CCDC15: variants seen among roughly 807,000 people sequenced by gnomAD.
CCDC15 encodes the protein coiled-coil domain containing 15, also known as coiled-coil domain-containing protein 15.
In CCDC15, 105 loss-of-function variants were observed where a neutral mutation model predicts 114.5. That is an observed-to-expected ratio of 0.92 (90% CI 0.78 to 1.08). The LOEUF is 1.08. Ranked by LOEUF, CCDC15 falls within the 50% of genes least tolerant of loss-of-function variation. The probability of loss-of-function intolerance (pLI) is 0.00; values close to 1 mark genes in which losing one functional copy is unlikely to be tolerated. For missense variants in CCDC15, 1,105 were observed against 1,093.6 expected, an observed-to-expected ratio of 1.01 and a Z score of -0.15; for synonymous variants, 334 against 377.8, an observed-to-expected ratio of 0.88 and a Z score of 1.34.
chr11:125,029,390 A>G (rs1948723962), intron 13 of CCDC15, among the ~76,000 whole-genome samples: 1 of 152,228 alleles, frequency 6.6e-6, no homozygotes, highest in Non-Finnish European at 1.5e-5. Context: ...TATGCCTAGC[A>G]TAATACAACT....
At chr11:125,038,845 C>T (rs1458615509) in intron 14 of CCDC15, 76 bp from the exon 15 acceptor site, 1 of 1,478,402 alleles carries the variant, frequency 6.8e-7, no homozygotes, top group East Asian at 2.3e-5. Context: ...ACAGTTAAAT[C>T]TGGCTGTAAA....
rs757593480 is a variant in CCDC15, at chr11:124,987,095, A to G, written c.901-32A>G. 1.0e-4 allele frequency: 154 copies of G among 1,468,832 alleles called. 1 individual carries two copies. In the East Asian group the frequency reaches 1.1e-3, roughly 10 times the overall value. The allele number at this position is 1,468,832 out of a possible 1,614,324, so 91.0% of individuals were successfully genotyped here. On this transcript the variant is annotated intron_variant, in intron 7 of 15. Transcript: ENST00000344762. ...ATCTAGAGTATTGCTACTAACTCACATTCTGTATTTGGTGTTTATGTTCAC... is the reference window on the plus strand; with the variant it reads ...ATCTAGAGTATTGCTACTAACTCACGTTCTGTATTTGGTGTTTATGTTCAC...
chr11:124,961,914 C>A (rs1031324739), intron 4 of CCDC15, among the ~76,000 whole-genome samples: 2 of 151,964 alleles, frequency 1.3e-5, no homozygotes, highest in Non-Finnish European at 2.9e-5. Context: ...AGTAATGGAA[C>A]CTTTCTAATT....
chr11:124,972,409 A>G (rs1184371612), intron 4 of CCDC15, among the ~76,000 whole-genome samples: 1 of 152,194 alleles, frequency 6.6e-6, no homozygotes, highest in Non-Finnish European at 1.5e-5. Context: ...ACACAATTAC[A>G]TATATATGTA....
At chr11:125,027,069 A>G (rs1948708315) in intron 13 of CCDC15, among the ~76,000 whole-genome samples, 2 of 152,112 alleles carry the variant, frequency 1.3e-5, no homozygotes, top group African/African-American at 4.8e-5. Flanking sequence ...CCATTATTTT[A>G]TTTCATTTTA....
chr11:125,041,292 G>C lies in CCDC15; in HGVS notation c.*581G>C, dbSNP rs538521691. ...ACTGGACATAGGAATTTTTAATTGT[G>C]TAATTTTCTGTTGCAAAAAGGGTAA... On this transcript the variant is annotated 3_prime_UTR_variant, in exon 16 of 16. Transcript: ENST00000344762. 6.6e-6 allele frequency: 1 copy of C among 152,024 alleles called. No homozygotes were observed. Among genetic ancestry groups the C allele is most frequent in the Non-Finnish European group, 1.5e-5 (1 of 67,992 alleles). The allele number at this position is 152,024 out of a possible 1,614,324, so 9.4% of individuals were successfully genotyped here.
chr11:125,000,303 A>G (rs1283004839), intron 11 of CCDC15, among the ~76,000 whole-genome samples: 1 of 152,174 alleles, frequency 6.6e-6, no homozygotes, highest in East Asian at 1.9e-4. Flanking sequence ...CCTATGCACC[A>G]TGGCTTCAAT....
intron 6 of CCDC15, among the ~76,000 whole-genome samples, chr11:124,985,578 C>G (rs993603589): frequency 2.6e-5 from 4 of 152,054 alleles, no homozygotes; most frequent in African/African-American, 9.7e-5. Flanking sequence ...TTCCTGATGA[C>G]TAATGATCTT....
chr11:125,033,339 A>G (rs546594649), intron 13 of CCDC15, among the ~76,000 whole-genome samples: 1 of 152,282 alleles, frequency 6.6e-6, no homozygotes, highest in Admixed American at 6.5e-5. Flanking sequence ...TCTGCTGTCC[A>G]TTATGGTAGC....
At chr11:125,020,140 A>C (rs913791116) in intron 13 of CCDC15, among the ~76,000 whole-genome samples, 2 of 152,076 alleles carry the variant, frequency 1.3e-5, no homozygotes, top group South Asian at 4.1e-4. Context: ...AGCAGGAAAA[A>C]AGTTAGACTT....
At chr11:124,956,651 G>A (rs557642115) in intron 2 of CCDC15, among the ~76,000 whole-genome samples, 1 of 152,240 alleles carries the variant, frequency 6.6e-6, no homozygotes, top group East Asian at 1.9e-4. Context: ...ATTGACTATC[G>A]TATTCACACA....
At chr11:125,020,617 T>C (rs1411923928) in intron 13 of CCDC15, among the ~76,000 whole-genome samples, 2 of 151,952 alleles carry the variant, frequency 1.3e-5, no homozygotes, top group Non-Finnish European at 2.9e-5. Flanking sequence ...TGATGCTAGT[T>C]TCAGAATACC....
chr11:124,957,245 T>C (rs1176467291), intron 2 of CCDC15, among the ~76,000 whole-genome samples: 3 of 152,196 alleles, frequency 2.0e-5, no homozygotes, highest in African/African-American at 7.2e-5. Context: ...ACCTTGACTA[T>C]TTTCCGGCTA....
At chr11:125,000,134 A>T (rs1948452856) in intron 11 of CCDC15, among the ~76,000 whole-genome samples, 1 of 152,030 alleles carries the variant, frequency 6.6e-6, no homozygotes, top group South Asian at 2.1e-4. Context: ...AAGTGCTGGG[A>T]TTACAGGCAT....
chr11:124,989,475 G>A (rs1411806608), intron 8 of CCDC15, among the ~76,000 whole-genome samples: 1 of 152,238 alleles, frequency 6.6e-6, no homozygotes, highest in Non-Finnish European at 1.5e-5. Context: ...AAAGTCACCA[G>A]CTGCATTAGC....
intron 13 of CCDC15, among the ~76,000 whole-genome samples, chr11:125,032,843 C>T (rs559524165): frequency 1.3e-5 from 2 of 152,290 alleles, no homozygotes; most frequent in South Asian, 4.1e-4. Flanking sequence ...CATTAATTAC[C>T]TCACCTTCAT....
chr11:124,965,098 TTC>T (rs1170450552), intron 4 of CCDC15, among the ~76,000 whole-genome samples: 1 of 152,228 alleles, frequency 6.6e-6, no homozygotes, highest in Non-Finnish European at 1.5e-5. Flanking sequence ...TGGTCTAAAA[TTC>T]TCTTTTTTTG....
At chr11:125,034,685 A>T (rs771632273) in intron 13 of CCDC15, among the ~76,000 whole-genome samples, 1 of 152,154 alleles carries the variant, frequency 6.6e-6, no homozygotes, top group African/African-American at 2.4e-5. Context: ...CAGGAGTGTC[A>T]AATGCATTTA....
At chr11:124,971,675 A>G (rs1398016915) in intron 4 of CCDC15, among the ~76,000 whole-genome samples, 3 of 152,150 alleles carry the variant, frequency 2.0e-5, no homozygotes, top group East Asian at 1.9e-4. Flanking sequence ...TTGAAAGTAT[A>G]TATGTACATA....
Sources: gnomAD v4.1 joint callset for allele counts (sites outside exome capture counted in the v4.1 genomes callset) on GRCh38, gnomAD v4.1.1 for gene constraint, MANE v1.5 for transcripts, NCBI Gene and HGNC (gene_info 2026-07-23, HGNC 2026-07-21) for gene names.